Variants in HDAC4 observed in about 807,000 individuals in gnomAD.
HDAC4 encodes the protein histone deacetylase A.
In HDAC4, 16 loss-of-function variants were observed where a neutral mutation model predicts 135.1. The observed-to-expected ratio is 0.12, with a 90% CI of 0.08 to 0.18. The LOEUF (loss-of-function observed/expected upper bound fraction) is 0.18, where lower values mean the gene tolerates loss of function less well. HDAC4 is among the 10% of genes least tolerant of loss of function. The pLI is 1.00. For synonymous variants in HDAC4, 685 were observed against 653.4 expected (o/e 1.05, Z -0.74); for missense variants, 1,143 against 1,511.8 (o/e 0.76, Z 4.05).
rs945733192 is a variant in HDAC4 at position 239,303,904 on chromosome 2, T to C, written c.22+48774A>G. Among the ~76,000 whole-genome samples the C allele has an allele frequency of 1.3e-5, 2 of 152,188 alleles. No homozygotes were observed. Among genetic ancestry groups the C allele is most frequent in the East Asian group, 1.9e-4 (1 of 5,190 alleles). On this transcript the variant is annotated intron_variant, in intron 2 of 26. Coordinates refer to ENST00000543185, the MANE Select transcript of HDAC4 (RefSeq NM_001378414.1). This position sits in a 1 kb window ranked among gnomAD's most constrained non-coding sequence, Gnocchi z 5.1. The stretch of plus-strand genomic sequence containing the variant: ...GCCTGCCCCGTGGCCCTGGGAATGC[T>C]TGGCACCAAGGTCCCACTTCCCACC...
intron 1 of HDAC4, among the ~76,000 whole-genome samples, chr2:239,358,455 C>T (rs900736439): frequency 9.9e-5 from 15 of 152,208 alleles, no homozygotes; most frequent in African/African-American, 2.9e-4. Context: ...CAAGATGTCC[C>T]TGTCACAGTC....
intron 1 of HDAC4, among the ~76,000 whole-genome samples, chr2:239,371,819 G>A (rs942287808): frequency 2.6e-5 from 4 of 152,170 alleles, no homozygotes; most frequent in African/African-American, 9.7e-5. Context: ...CTGGGCCTGC[G>A]CATCCGGCCC....
intron 2 of HDAC4, among the ~76,000 whole-genome samples, chr2:239,325,379 A>G (rs1434597408): frequency 6.6e-6 from 1 of 152,218 alleles, no homozygotes; most frequent in African/African-American, 2.4e-5. Flanking sequence ...CAACAAAAAA[A>G]CAAACAACCC....
intron 22 of HDAC4, among the ~76,000 whole-genome samples, chr2:239,074,315 TCTGA>T (rs1432877401): frequency 1.3e-5 from 2 of 152,240 alleles, no homozygotes; most frequent in African/African-American, 2.4e-5. Context: ...GGCGAGGCAC[TCTGA>T]CTGCTGCTTT....
At chr2:239,140,981 C>T (rs1331814556) in intron 8 of HDAC4, 4 of 420,286 alleles carry the variant, frequency 9.5e-6, no homozygotes, top group Admixed American at 8.1e-5. Flanking sequence ...ACCCACAGCT[C>T]CCCCAACCTG....
rs534668578 is a variant in HDAC4 at position 239,285,019 on chromosome 2, G to A, written c.23-48355C>T. On this transcript the variant is annotated intron_variant, in intron 2 of 26. Coordinates refer to ENST00000543185, the MANE Select transcript of HDAC4 (RefSeq NM_001378414.1). The surrounding 1 kb of genome is among the most constrained non-coding windows in gnomAD (Gnocchi z 4.5). ...GGATCAAAAGCATGAAGGAAGCCCA[G>A]AGACAAGTCGTCTAAATGCATCCAT... 3.0e-4 allele frequency among the ~76,000 whole-genome samples: 45 copies of A among 152,270 alleles called. 1 individual carries two copies. The highest frequency in any genetic ancestry group is 2.7e-3 in the Admixed American group (41 of 15,292).
rs1691549799 is a variant in HDAC4, at chr2:239,331,205, A to G, written c.22+21473T>C. ...CGTGACATTGATGGCACGAAACTCA[A>G]CGTCCTGCACATGATTCCTAAAGCT... On this transcript the variant is annotated intron_variant, in intron 2 of 26. Coordinates refer to ENST00000543185, the MANE Select transcript of HDAC4 (RefSeq NM_001378414.1). The surrounding 1 kb of genome is among the most constrained non-coding windows in gnomAD (Gnocchi z 4.5). Among the ~76,000 whole-genome samples, 1 of 152,138 alleles carries G rather than the reference A, an allele frequency of 6.6e-6. No homozygotes were observed. The highest frequency in any genetic ancestry group is 1.9e-4 in the East Asian group (1 of 5,178).
rs2041378829 is a variant in HDAC4 at position 239,141,570 on chromosome 2, G to A, written c.866-1774C>T. ...GAGCCAGTGTTTGCATTTCACTCAA[G>A]AAAGCAGGACCCGCCTTCTCCAGGC... is the stretch of plus-strand genomic sequence containing the variant. On this transcript the variant is annotated intron_variant, in intron 8 of 26. Coordinates refer to ENST00000543185, the MANE Select transcript of HDAC4 (RefSeq NM_001378414.1). This position sits in a 1 kb window ranked among gnomAD's most constrained non-coding sequence, Gnocchi z 4.9. Among the ~76,000 whole-genome samples the A allele has an allele frequency of 6.6e-6, 1 of 152,126 alleles. No homozygotes were observed. Among genetic ancestry groups the A allele is most frequent in the African/African-American group, 2.4e-5 (1 of 41,410 alleles).
chr2:239,101,129 C>T (rs1285479656), intron 16 of HDAC4, among the ~76,000 whole-genome samples: 1 of 152,132 alleles, frequency 6.6e-6, no homozygotes, highest in East Asian at 1.9e-4. Context: ...TCAGCCACAC[C>T]CCGGCCCACC....
intron 4 of HDAC4, among the ~76,000 whole-genome samples, chr2:239,183,063 AT>A (rs573272083): frequency 6.6e-6 from 1 of 152,182 alleles, no homozygotes; most frequent in Non-Finnish European, 1.5e-5. Context: ...TTGGGAAGCA[AT>A]TTTTTGCAGA....
chr2:239,062,261 C>A (rs190465826), intron 24 of HDAC4, among the ~76,000 whole-genome samples: 186 of 152,408 alleles, frequency 1.2e-3, no homozygotes, highest in Non-Finnish European at 2.4e-3. Flanking sequence ...GCCAAGGCCC[C>A]TCTGCGCTTC....
chr2:239,207,060 G>A (rs1449506060), intron 3 of HDAC4, among the ~76,000 whole-genome samples: 1 of 151,928 alleles, frequency 6.6e-6, no homozygotes, highest in Non-Finnish European at 1.5e-5. Flanking sequence ...ACCTGACCAC[G>A]CCCCAGGGCT....
At chr2:239,192,139 T>C (rs1201423346) in intron 3 of HDAC4, among the ~76,000 whole-genome samples, 1 of 152,134 alleles carries the variant, frequency 6.6e-6, no homozygotes, top group Non-Finnish European at 1.5e-5. Context: ...GTGTTCAATG[T>C]GCGGAAGCAG....
chr2:239,095,112 G>A (rs956827514), intron 16 of HDAC4, 56 bp from the exon 17 acceptor site: 23 of 1,599,360 alleles, frequency 1.4e-5, no homozygotes, highest in Admixed American at 1.2e-4. Context: ...CAAGGTGCTC[G>A]ACAGGCCCTG....
At chr2:239,282,655 T>A (rs1415926753) in intron 2 of HDAC4, among the ~76,000 whole-genome samples, 2 of 127,356 alleles carry the variant, frequency 1.6e-5, no homozygotes, top group African/African-American at 3.1e-5. Flanking sequence ...ACAAACAATG[T>A]ACACCCCACT....
chr2:239,072,447 G>A (rs867918658), intron 22 of HDAC4, among the ~76,000 whole-genome samples: 18 of 152,166 alleles, frequency 1.2e-4, no homozygotes, highest in African/African-American at 3.6e-4. Flanking sequence ...TTTCACCACC[G>A]CCTACTTCCT....
intron 22 of HDAC4, among the ~76,000 whole-genome samples, chr2:239,069,387 A>G (rs1338290879): frequency 1.8e-4 from 13 of 71,736 alleles, no homozygotes; most frequent in Non-Finnish European, 2.0e-4. Flanking sequence ...AAGCCCCACG[A>G]CACTTGCTTA....
intron 2 of HDAC4, among the ~76,000 whole-genome samples, chr2:239,311,033 G>A (rs972557473): frequency 5.3e-5 from 8 of 152,222 alleles, no homozygotes; most frequent in Non-Finnish European, 7.3e-5. Flanking sequence ...TGAGATCTGC[G>A]CGGTCGCGGT....
intron 22 of HDAC4, among the ~76,000 whole-genome samples, chr2:239,078,560 CT>C (rs1462355152): frequency 6.6e-6 from 1 of 152,110 alleles, no homozygotes; most frequent in Non-Finnish European, 1.5e-5. Context: ...AACAATTTTC[CT>C]TTTCAAAGAT....
Sources: allele counts gnomAD v4.1 joint callset (sites outside exome capture counted in the v4.1 genomes callset), GRCh38; gene constraint gnomAD v4.1.1; non-coding constraint Gnocchi (gnomAD v3.1); transcripts MANE v1.5; gene names NCBI Gene and HGNC (gene_info 2026-07-23, HGNC 2026-07-21).